Variants in TLR6 observed in about 807,000 individuals in gnomAD.
TLR6 encodes toll like receptor 6.
TLR6 carries 9 observed loss-of-function variants against 16.1 expected under a neutral mutation model. The ratio of observed to expected loss-of-function variants is 0.56; its 90% CI spans 0.34 to 0.98. The LOEUF (loss-of-function observed/expected upper bound fraction) is 0.98. Ranked by LOEUF, TLR6 falls within the 50% of genes least tolerant of loss-of-function variation. The pLI is 0.02. For synonymous variants in TLR6, 340 were observed against 338.6 expected (o/e 1.00, Z -0.04); for missense variants, 786 against 921.0 (o/e 0.85, Z 1.90).
At chr4:38,849,287 A>C (rs1712669742) in intron 1 of TLR6, among the ~76,000 whole-genome samples, 1 of 152,230 alleles carries the variant, frequency 6.6e-6, no homozygotes. Context: ...AGCACTAAAC[A>C]TGGAAAGGAA....
At chr4:38,862,590 ATTTTTTT>A in the TLR6 span, among the ~76,000 whole-genome samples, 2 of 73,718 alleles carry the variant, frequency 2.7e-5, no homozygotes, top group South Asian at 4.8e-4. Flanking sequence ...CCCAATCACC[ATTTTTTT>A]TTTTTTTTTT....
rs1405751995 is a variant in TLR6 at position 38,827,166 on chromosome 4, G to A, written c.2308C>T (p.Arg770Cys). The A allele has an allele frequency of 1.9e-6, 3 of 1,614,042 alleles. No homozygotes were observed. The highest frequency in any genetic ancestry group is 2.2e-5 in the East Asian group (1 of 44,896). ...CTAATGTTAGCCCAAAAGAGCCCAC[G>A]TTTGCTTTTCTCCTTGGGCCACTGC... The change falls in exon 2 of 2, where the codon CGT (arginine) becomes TGT (cysteine). Residue 770 changes from arginine (R) to cysteine (C), a missense_variant. By Grantham distance (180) the Arg-to-Cys change is radical. Transcript: ENST00000436693.
At chr4:38,841,822 C>T (rs1579252458) in intron 1 of TLR6, among the ~76,000 whole-genome samples, 2 of 152,242 alleles carry the variant, frequency 1.3e-5, no homozygotes, top group African/African-American at 2.4e-5. Context: ...TGAGTGTTTA[C>T]GCATGCAACT....
At chr4:38,833,884 T>C (rs1243805909) in intron 1 of TLR6, among the ~76,000 whole-genome samples, 1 of 152,062 alleles carries the variant, frequency 6.6e-6, no homozygotes, top group Non-Finnish European at 1.5e-5. Flanking sequence ...ATTTTGGAAC[T>C]ACAGAGGTCA....
intron 1 of TLR6, among the ~76,000 whole-genome samples, chr4:38,835,669 A>G (rs1234833441): frequency 6.6e-6 from 1 of 152,230 alleles, no homozygotes; most frequent in Non-Finnish European, 1.5e-5. Flanking sequence ...CAGAGTACAC[A>G]TTCTTCTCAT....
In TLR6 at chr4:38,827,433, C is replaced by G; in HGVS notation, c.2041G>C (p.Gly681Arg). 2 of 1,614,190 alleles carry G rather than the reference C, an allele frequency of 1.2e-6. No homozygotes were observed. Among genetic ancestry groups the G allele is most frequent in the Non-Finnish European group, 1.7e-6 (2 of 1,180,028 alleles). ...ATGATATTTTCCACAATGCTCTTGC[C>G]AGGGACAAAGTTTCTCTCATGAAGA... Residue 681 changes from glycine (G) to arginine (R), a missense_variant, in exon 2 of 2, where the codon GGC (glycine) becomes CGC (arginine). Physicochemically the swap from Gly to Arg is moderately radical, Grantham distance 125 (BLOSUM62 -2). Transcript: ENST00000436693.
At chr4:38,868,137 C>A in the TLR6 span, 1 of 241,018 alleles carries the variant, frequency 4.1e-6, no homozygotes, top group East Asian at 1.1e-4. Flanking sequence ...GGTCTGCCCC[C>A]TCGGCCTGCG....
At chr4:38,855,130 T>C (rs944992966) in intron 1 of TLR6, among the ~76,000 whole-genome samples, 1 of 149,638 alleles carries the variant, frequency 6.7e-6, no homozygotes, top group African/African-American at 2.5e-5. Context: ...GAGAATGGCG[T>C]GAACCCGGGA....
chr4:38,868,087 G>T, the TLR6 span: 1 of 421,258 alleles, frequency 2.4e-6, no homozygotes, highest in East Asian at 9.2e-5. Flanking sequence ...GTGTCGCTCC[G>T]GGTCCACGCT....
chr4:38,828,144 C>G (rs746367670), exon 2 of TLR6: 5 of 1,614,196 alleles, frequency 3.1e-6, no homozygotes, highest in Non-Finnish European at 4.2e-6. Flanking sequence ...CATCTGAAAA[C>G]AGAGTCAGTA....
the TLR6 span, among the ~76,000 whole-genome samples, chr4:38,862,797 C>G: frequency 6.6e-6 from 1 of 150,812 alleles, no homozygotes; most frequent in African/African-American, 2.4e-5. Flanking sequence ...GGGTTTCACC[C>G]TGTTAACCAG....
At position 38,831,304 on chromosome 4, in the gene TLR6, AAAG is replaced by A. The variant is rs200214264; in HGVS notation, c.-64-1770_-64-1768del. On this transcript the variant is annotated intron_variant, in intron 1 of 1. Coordinates refer to ENST00000436693, the Ensembl canonical transcript of TLR6. Reference sequence around the variant, plus strand: ...TAGACCTCCACATGCAAAAAAAAAAAAAGAAGAAGAAGAGAAAGAATTTAGACG... The same window carrying A: ...TAGACCTCCACATGCAAAAAAAAAAAAAGAAGAAGAGAAAGAATTTAGACG... Among the ~76,000 whole-genome samples the A allele has an allele frequency of 2.8e-3, 418 of 151,928 alleles. 13 individuals are homozygous for A. In the East Asian group the frequency reaches 0.075, roughly 27 times the overall value.
intron 1 of TLR6, among the ~76,000 whole-genome samples, chr4:38,839,000 A>G (rs542208921): frequency 2.1e-5 from 3 of 139,632 alleles, no homozygotes; most frequent in Non-Finnish European, 3.1e-5. Flanking sequence ...AGAGGGGGAG[A>G]GAGAGAAGGA....
chr4:38,863,190 G>A, the TLR6 span, among the ~76,000 whole-genome samples: 30 of 152,100 alleles, frequency 2.0e-4, no homozygotes, highest in South Asian at 2.1e-4. Context: ...TATTAGCAGC[G>A]TTTAACACAG....
At chr4:38,858,829 GAGGAAGAA>G (rs1476000857), upstream of TLR6, among the ~76,000 whole-genome samples, 9 of 71,814 alleles carry the variant, frequency 1.3e-4, no homozygotes, top group Non-Finnish European at 2.2e-4. Context: ...GAGAGAGAGA[GAGGAAGAA>G]AGAAAGAAAG....
chr4:38,866,837 A>G, the TLR6 span, among the ~76,000 whole-genome samples: 1 of 152,198 alleles, frequency 6.6e-6, no homozygotes, highest in Non-Finnish European at 1.5e-5. Flanking sequence ...ATTGAAAGGG[A>G]GAGACTAGGG....
In TLR6 at chr4:38,828,249, C is replaced by T. The variant is rs751925564; in HGVS notation, c.1225G>A (p.Asp409Asn). The T allele has an allele frequency of 1.4e-4, 221 of 1,613,402 alleles. 1 individual carries two copies. ...GATTCCAAAGAATTCCAGCTAACAT[C>T]CAGTATTTCCAAAGAAGGCATATCC... The change falls in exon 2 of 2, where the codon GAT becomes AAT. Residue 409 changes from aspartate (D) to asparagine (N), a missense_variant. Coordinates refer to ENST00000436693, the Ensembl canonical transcript of TLR6.
intron 1 of TLR6, among the ~76,000 whole-genome samples, chr4:38,832,696 C>T (rs74906757): frequency 0.03 from 4,618 of 152,228 alleles, 233 homozygotes; most frequent in African/African-American, 0.11. Flanking sequence ...TGATATTCTC[C>T]TACGTCCACC....
chr4:38,837,133 T>C (rs1023755881), intron 1 of TLR6, among the ~76,000 whole-genome samples: 3 of 152,066 alleles, frequency 2.0e-5, no homozygotes, highest in Admixed American at 1.3e-4. Context: ...ACTGGAAGAA[T>C]TAACATTGTT....
Sources: gnomAD v4.1 joint callset for allele counts (sites outside exome capture counted in the v4.1 genomes callset) on GRCh38, gnomAD v4.1.1 for gene constraint, MANE v1.5 for transcripts, NCBI Gene and HGNC (gene_info 2026-07-23, HGNC 2026-07-21) for gene names.